The following PAWR variants were observed in gnomAD, a reference collection of about 807,000 sequenced individuals.
PAWR encodes the protein PRKC apoptosis WT1 regulator protein.
A neutral mutation model predicts 32.0 loss-of-function variants in PAWR; 23 were observed. The observed-to-expected ratio is 0.72, with a 90% CI of 0.52 to 1.02. The LOEUF (loss-of-function observed/expected upper bound fraction) is 1.02. Ranked by LOEUF, PAWR falls within the 50% of genes least tolerant of loss-of-function variation. PAWR has a pLI of 0.00. For synonymous variants in PAWR, 226 were observed against 187.1 expected (o/e 1.21, Z -1.70); for missense variants, 457 against 437.7 (o/e 1.04, Z -0.39).
At chr12:79,657,666 C>A (rs1451232307) in intron 2 of PAWR, among the ~76,000 whole-genome samples, 3 of 151,874 alleles carry the variant, frequency 2.0e-5, no homozygotes, top group Admixed American at 6.6e-5. Context: ...TGGTGGCGGG[C>A]GCATGTAGTC....
At chr12:79,684,203 A>G in intron 2 of PAWR, among the ~76,000 whole-genome samples, 2 of 152,306 alleles carry the variant, frequency 1.3e-5, no homozygotes, top group Admixed American at 1.3e-4. Flanking sequence ...TCAAACCCTA[A>G]TATTTGCCAA....
intron 3 of PAWR, among the ~76,000 whole-genome samples, chr12:79,617,126 C>A (rs887777381): frequency 6.6e-6 from 1 of 152,020 alleles, no homozygotes; most frequent in East Asian, 1.9e-4. Context: ...GGGAGGCCAA[C>A]GCAGGAAGAT....
chr12:79,598,858 TCCTGAGTAGCTGGGATTACAGGCG>T (rs1284892938), intron 4 of PAWR, among the ~76,000 whole-genome samples: 1 of 152,196 alleles, frequency 6.6e-6, no homozygotes, highest in Non-Finnish European at 1.5e-5. Flanking sequence ...TGCCTCAGCC[TCCTGAGTAGCTGGGATTACAGGCG>T]CCTGCCACCA....
intron 2 of PAWR, among the ~76,000 whole-genome samples, chr12:79,661,769 A>G (rs1031168923): frequency 3.3e-5 from 5 of 152,174 alleles, no homozygotes; most frequent in African/African-American, 1.2e-4. Context: ...TGAAAAGTCT[A>G]TGTGTCATCA....
chr12:79,637,049 A>C (rs1287178278), intron 2 of PAWR, among the ~76,000 whole-genome samples: 1 of 152,240 alleles, frequency 6.6e-6, no homozygotes, highest in Admixed American at 6.5e-5. Flanking sequence ...CAGCCAAGTA[A>C]GTTCAACTGC....
chr12:79,623,514 A>AT (rs1373413239), intron 2 of PAWR, among the ~76,000 whole-genome samples: 2 of 141,996 alleles, frequency 1.4e-5, no homozygotes, highest in African/African-American at 2.9e-5. Flanking sequence ...ATGAGTTAAG[A>AT]TTTTTTTCAG....
intron 2 of PAWR, among the ~76,000 whole-genome samples, chr12:79,642,965 A>G (rs1876400248): frequency 6.6e-6 from 1 of 152,202 alleles, no homozygotes; most frequent in Non-Finnish European, 1.5e-5. Context: ...ATTAATTACT[A>G]TAATAGGAAT....
chr12:79,641,374 C>A (rs541679149), intron 2 of PAWR, among the ~76,000 whole-genome samples: 124 of 152,284 alleles, frequency 8.1e-4, no homozygotes, highest in Non-Finnish European at 1.5e-3. Flanking sequence ...TAAAGTTACA[C>A]AGCTAACAAG....
intron 1 of PAWR, 114 bp from the exon 2 acceptor site, chr12:79,690,505 T>C (rs921593919): frequency 1.4e-5 from 7 of 492,196 alleles, no homozygotes; most frequent in Middle Eastern, 5.9e-4. Context: ...CACCAGTCAC[T>C]ACCGGCCAGC....
At chr12:79,661,248 CAAAAAAAAAA>C (rs397967995) in intron 2 of PAWR, among the ~76,000 whole-genome samples, 2 of 71,462 alleles carry the variant, frequency 2.8e-5, no homozygotes, top group Admixed American at 1.7e-4. Context: ...GACTCTGTCT[CAAAAAAAAAA>C]AAAAAAAAAA....
At chr12:79,594,128 A>C (rs1255834400) in intron 6 of PAWR, among the ~76,000 whole-genome samples, 2 of 152,204 alleles carry the variant, frequency 1.3e-5, no homozygotes, top group East Asian at 3.9e-4. Context: ...TATCTCCAAA[A>C]GAATAAAATT....
At chr12:79,640,118 T>C (rs1382863165) in intron 2 of PAWR, among the ~76,000 whole-genome samples, 3 of 152,082 alleles carry the variant, frequency 2.0e-5, no homozygotes, top group Admixed American at 6.6e-5. Context: ...TTAGCCAGGC[T>C]TGTCGAACTC....
chr12:79,617,734 T>C (rs1250641727), intron 3 of PAWR, among the ~76,000 whole-genome samples: 1 of 152,212 alleles, frequency 6.6e-6, no homozygotes, highest in Non-Finnish European at 1.5e-5. Flanking sequence ...GTCTGATATA[T>C]TTTGGATGTC....
intron 2 of PAWR, among the ~76,000 whole-genome samples, chr12:79,638,410 G>A (rs1256848502): frequency 6.6e-6 from 1 of 151,970 alleles, no homozygotes; most frequent in Non-Finnish European, 1.5e-5. Context: ...TATTGTTAAT[G>A]TCTTTTTCTA....
At position 79,616,730 on chromosome 12, in the gene PAWR, T is replaced by TA. The variant is rs1011419651; in HGVS notation, c.649-3122dup. Among the ~76,000 whole-genome samples, 155 of 152,052 alleles carry TA rather than the reference T, an allele frequency of 1.0e-3. 1 individual carries two copies. The highest frequency in any genetic ancestry group is 3.6e-3 in the African/African-American group (151 of 41,444). On this transcript the variant is annotated intron_variant, in intron 3 of 6. Transcript: ENST00000328827. ...TCTACAGTTGTTTGGGTTTTTTTTT[T>TA]AAACACTCAGTCACTTAAAACATAA... is the stretch of plus-strand genomic sequence containing the variant.
Position 79,585,380 on chromosome 12 carries a change from A to G in PAWR, c.*7227T>C, listed in dbSNP as rs2136663632. 4.8e-6 allele frequency: 1 copy of G among 207,578 alleles called. No individual in the cohort carries two copies. The allele number at this position is 207,578 out of a possible 1,614,324, so 12.9% of individuals were successfully genotyped here. ...GGGCCAAATAATTTGTATTTCTAACAGGTTTCTAAGTGAAGTCAATGCTAC... is the reference window on the plus strand; with the variant it reads ...GGGCCAAATAATTTGTATTTCTAACGGGTTTCTAAGTGAAGTCAATGCTAC... On this transcript the variant is annotated 3_prime_UTR_variant, in exon 7 of 7. Transcript: ENST00000328827.
intron 4 of PAWR, among the ~76,000 whole-genome samples, chr12:79,606,356 A>G (rs1285644436): frequency 6.6e-6 from 1 of 152,190 alleles, no homozygotes; most frequent in Non-Finnish European, 1.5e-5. Flanking sequence ...TTTGAATTAC[A>G]TCTTAATAAC....
intron 2 of PAWR, among the ~76,000 whole-genome samples, chr12:79,669,851 C>A (rs1877801121): frequency 6.6e-6 from 1 of 151,912 alleles, no homozygotes; most frequent in Admixed American, 6.6e-5. Context: ...TAGGTGTGCA[C>A]CACTATACTG....
At chr12:79,642,482 G>C (rs1158825509) in intron 2 of PAWR, among the ~76,000 whole-genome samples, 1 of 152,210 alleles carries the variant, frequency 6.6e-6, no homozygotes, top group Non-Finnish European at 1.5e-5. Flanking sequence ...GGAAGTCCAA[G>C]ATCAAGCTGC....
Sources: allele counts gnomAD v4.1 joint callset (sites outside exome capture counted in the v4.1 genomes callset), GRCh38; gene constraint gnomAD v4.1.1; transcripts MANE v1.5; gene names NCBI Gene and HGNC (gene_info 2026-07-23, HGNC 2026-07-21).